The following MAP2K4 variants were observed in gnomAD, a reference collection of about 807,000 sequenced individuals.
MAP2K4 encodes dual specificity mitogen-activated protein kinase kinase 4.
MAP2K4 carries 4 observed loss-of-function variants against 48.5 expected under a neutral mutation model. That is an observed-to-expected ratio of 0.08 (90% CI 0.04 to 0.19). The LOEUF (loss-of-function observed/expected upper bound fraction) is 0.19, where lower values mean the gene tolerates loss of function less well. Among genes scored for constraint, MAP2K4 ranks in the 10% least tolerant of loss-of-function variants. MAP2K4 has a pLI of 1.00. For synonymous variants in MAP2K4, 166 were observed against 173.1 expected (o/e 0.96, Z 0.32); for missense variants, 258 against 493.3 (o/e 0.52, Z 4.52).
chr17:12,077,327 G>T (rs765678255), intron 2 of MAP2K4, among the ~76,000 whole-genome samples: 1 of 152,142 alleles, frequency 6.6e-6, no homozygotes, highest in South Asian at 2.1e-4. Context: ...GGAGGTGTCC[G>T]GGCACTACCT....
rs143227297 is a variant in MAP2K4, at chr17:12,072,100, C to T, written c.219-9256C>T. On this transcript the variant is annotated intron_variant, in intron 2 of 10. Transcript: ENST00000353533. The stretch of plus-strand genomic sequence containing the variant: ...TATATTGCCTATATTCTCACCTGCG[C>T]ACTTTGAAATGAAGCTTCTGATACA... Among the ~76,000 whole-genome samples, 42 of 152,268 alleles carry T rather than the reference C, an allele frequency of 2.8e-4. No homozygotes were observed. The East Asian group carries it at 6.9e-3, about 25-fold the overall frequency.
chr17:12,082,066 T>C (rs1361937448), intron 3 of MAP2K4: 1 of 409,148 alleles, frequency 2.4e-6, no homozygotes, highest in Non-Finnish European at 5.4e-6. Context: ...GGTTTTAAAG[T>C]TGTACTGAAA....
intron 7 of MAP2K4, among the ~76,000 whole-genome samples, chr17:12,114,707 CACTG>C (rs1465368418): frequency 1.3e-5 from 2 of 152,074 alleles, no homozygotes; most frequent in Admixed American, 6.5e-5. Context: ...TGTTGTGTGA[CACTG>C]ACTAAGAATT....
At chr17:12,102,726 G>A (rs566921956) in intron 4 of MAP2K4, among the ~76,000 whole-genome samples, 5 of 152,126 alleles carry the variant, frequency 3.3e-5, no homozygotes, top group East Asian at 1.9e-4. Context: ...TTCAAGTTAC[G>A]TATTTCTTGT....
chr17:12,131,664 G>A (rs1472193085), intron 9 of MAP2K4, among the ~76,000 whole-genome samples: 3 of 152,036 alleles, frequency 2.0e-5, no homozygotes, highest in South Asian at 2.1e-4. Context: ...TTTTCATTAC[G>A]TTTGGGTAAA....
At chr17:12,090,260 A>G (rs1025466927) in intron 3 of MAP2K4, among the ~76,000 whole-genome samples, 1 of 152,226 alleles carries the variant, frequency 6.6e-6, no homozygotes, top group African/African-American at 2.4e-5. Flanking sequence ...TGGGAGAATC[A>G]GTAGTTGTCA....
chr17:12,081,995 T>C lies in MAP2K4; in HGVS notation c.393+465T>C. 1 of 529,788 alleles carries C rather than the reference T, an allele frequency of 1.9e-6. No individual in the cohort carries two copies. The highest frequency in any genetic ancestry group is 1.4e-5 in the South Asian group (1 of 70,240). 32.8% of individuals were successfully genotyped at this position (529,788 alleles called of 1,614,324 possible). A position where few individuals can be genotyped will look rare whatever the true frequency, so the allele number is the denominator to read the frequency against. On this transcript the variant is annotated intron_variant, in intron 3 of 10. Transcript: ENST00000353533. This position sits in a 1 kb window ranked among gnomAD's most constrained non-coding sequence, Gnocchi z 4.2. ...TGCCACTAACCTCAACCTTACTCGG[T>C]CCTGACCGGCTCGGCTTCTGTTTGT...
chr17:12,056,135 A>G (rs1321521706), intron 2 of MAP2K4, among the ~76,000 whole-genome samples: 2 of 152,086 alleles, frequency 1.3e-5, no homozygotes, highest in African/African-American at 4.8e-5. Flanking sequence ...CTAGTGCAAA[A>G]CTAATTCTTT....
Position 12,054,938 on chromosome 17 carries a change from T to C in MAP2K4, c.165T>C (p.Ser55=), listed in dbSNP as rs1230730853. Residue 55 remains serine, a synonymous_variant, in exon 2 of 11, where the codon TCT becomes TCC. Coordinates refer to ENST00000353533, the MANE Select transcript of MAP2K4 (RefSeq NM_003010.4). ...ATTTTGCAAATCCACCTTTCAAATC[T>C]ACAGCAAGGTTTACTCTGAATCCCA... ...KLNFANPPFK[S]TARFTLNPNP... 1.9e-6 allele frequency: 3 copies of C among 1,612,562 alleles called. No homozygotes were observed. Among genetic ancestry groups the C allele is most frequent in the Non-Finnish European group, 2.5e-6 (3 of 1,178,930 alleles).
intron 2 of MAP2K4, among the ~76,000 whole-genome samples, chr17:12,076,243 A>G (rs1182143339): frequency 6.7e-6 from 1 of 149,752 alleles, no homozygotes; most frequent in Non-Finnish European, 1.5e-5. Flanking sequence ...CTCAGTGTCC[A>G]GTCTGATTAA....
chr17:12,140,955 G>GCATGCC (rs1362031375), intron 10 of MAP2K4, among the ~76,000 whole-genome samples, 192 bp from the exon 11 acceptor site: 1 of 152,062 alleles, frequency 6.6e-6, no homozygotes, highest in Non-Finnish European at 1.5e-5. Context: ...CTCTCTCTAG[G>GCATGCC]CATGCCCATG....
intron 6 of MAP2K4, 113 bp from the exon 7 acceptor site, chr17:12,113,120 A>C (rs1392052586): frequency 3.8e-6 from 3 of 797,690 alleles, no homozygotes; most frequent in Non-Finnish European, 5.9e-6. Context: ...TCTGAATTTA[A>C]GGACTTGACC....
At chr17:12,042,919 G>T (rs915590241) in intron 1 of MAP2K4, among the ~76,000 whole-genome samples, 2 of 151,728 alleles carry the variant, frequency 1.3e-5, no homozygotes, top group East Asian at 3.9e-4. Context: ...TAGTGGCGGG[G>T]GCCTGTAGTC....
In MAP2K4 at chr17:12,064,076, T is replaced by C. The variant is rs141872908; in HGVS notation, c.218+9085T>C. ...TAGAAGAAAACATTCACAATGTATA[T>C]ATATATATCTGACAAAGGACTTTTG... On this transcript the variant is annotated intron_variant, in intron 2 of 10. Coordinates refer to ENST00000353533, the MANE Select transcript of MAP2K4 (RefSeq NM_003010.4). Among the ~76,000 whole-genome samples, 19 of 151,918 alleles carry C rather than the reference T, an allele frequency of 1.3e-4. No individual in the cohort carries two copies. The East Asian group carries it at 3.7e-3, about 29-fold the overall frequency.
At chr17:12,055,120 T>C in intron 2 of MAP2K4, 129 bp downstream of exon 2, 2 of 548,094 alleles carry the variant, frequency 3.6e-6, no homozygotes, top group Middle Eastern at 3.0e-4. Flanking sequence ...ATATTGTTTA[T>C]TCTTTTCCTT....
rs536641230 is a variant in MAP2K4, at chr17:12,068,678, C to T, written c.219-12678C>T. Among the ~76,000 whole-genome samples the T allele has an allele frequency of 1.9e-3, 292 of 151,556 alleles. 2 individuals carry two copies. Among genetic ancestry groups the T allele is most frequent in the African/African-American group, 6.5e-3 (270 of 41,286 alleles). On this transcript the variant is annotated intron_variant, in intron 2 of 10. Transcript: ENST00000353533. ...GTAAATAGGGGTCATAGGGCAAGAT[C>T]GAGTTTTAGATAATATTTAAGTTTG...
chr17:12,031,982 G>A (rs1283004754), intron 1 of MAP2K4, among the ~76,000 whole-genome samples: 1 of 152,058 alleles, frequency 6.6e-6, no homozygotes, highest in Non-Finnish European at 1.5e-5. Context: ...TAACTTCTAA[G>A]GGCTTGTAGT....
intron 3 of MAP2K4, among the ~76,000 whole-genome samples, chr17:12,084,586 G>C (rs1971297602): frequency 6.6e-6 from 1 of 152,160 alleles, no homozygotes; most frequent in Admixed American, 6.5e-5. Context: ...TTAGTGTCCT[G>C]TTTTGCACGG....
rs1969015182 is a variant in MAP2K4 at position 12,021,020 on chromosome 17, C to G, written c.115+19C>G. 8.4e-7 allele frequency: 1 copy of G among 1,193,788 alleles called. No homozygotes were observed. Among genetic ancestry groups the G allele is most frequent in the East Asian group, 3.4e-5 (1 of 29,518 alleles). The allele number at this position is 1,193,788 out of a possible 1,614,324, so 73.9% of individuals were successfully genotyped here. A position where few individuals can be genotyped will look rare whatever the true frequency, so the allele number is the denominator to read the frequency against. On this transcript the variant is annotated intron_variant, in intron 1 of 10. Transcript: ENST00000353533. Reference sequence around the variant, plus strand: ...ATGCAGGGTAAGGAACGCGGCCGCGCCGAGATCCCAGCCCCCTAGCGCGGC... The same window carrying G: ...ATGCAGGGTAAGGAACGCGGCCGCGGCGAGATCCCAGCCCCCTAGCGCGGC...
Sources: allele counts gnomAD v4.1 joint callset (sites outside exome capture counted in the v4.1 genomes callset), GRCh38; gene constraint gnomAD v4.1.1; non-coding constraint Gnocchi (gnomAD v3.1); transcripts MANE v1.5; gene names NCBI Gene and HGNC (gene_info 2026-07-23, HGNC 2026-07-21).